Variants in ARFIP1 observed in about 807,000 individuals in gnomAD.
The protein encoded by ARFIP1 is arfaptin-1.
In ARFIP1, 24 loss-of-function variants were observed where a neutral mutation model predicts 42.5. The observed-to-expected ratio is 0.57, with a 90% CI of 0.41 to 0.80. The LOEUF (loss-of-function observed/expected upper bound fraction) is 0.80. ARFIP1 is among the 30% of genes least tolerant of loss of function. The pLI, the probability that ARFIP1 is intolerant of heterozygous loss-of-function variation, is 0.00. For missense variants in ARFIP1, 354 were observed against 434.0 expected (o/e 0.82, Z 1.64); for synonymous variants, 141 against 153.7 (o/e 0.92, Z 0.61).
intron 1 of ARFIP1, among the ~76,000 whole-genome samples, chr4:152,793,610 A>G (rs1241515751): frequency 6.6e-6 from 1 of 152,170 alleles, no homozygotes; most frequent in Admixed American, 6.5e-5. Flanking sequence ...GAGATTAACA[A>G]CAGTAATAAT....
chr4:152,833,991 C>G (rs1731449141), intron 2 of ARFIP1, among the ~76,000 whole-genome samples: 2 of 152,154 alleles, frequency 1.3e-5, no homozygotes, highest in Non-Finnish European at 1.5e-5. Context: ...CCAACATCTG[C>G]TCAGCTTCTG....
intron 1 of ARFIP1, among the ~76,000 whole-genome samples, chr4:152,820,731 C>G (rs1730304017): frequency 6.6e-6 from 1 of 152,222 alleles, no homozygotes; most frequent in Non-Finnish European, 1.5e-5. Flanking sequence ...CCACCAGGCT[C>G]CTCTTCCAAC....
chr4:152,834,704 C>T (rs1031707042), intron 2 of ARFIP1, among the ~76,000 whole-genome samples: 2 of 152,192 alleles, frequency 1.3e-5, no homozygotes, highest in African/African-American at 4.8e-5. Flanking sequence ...GAGTTGAGTG[C>T]CTGTGCCTTT....
intron 5 of ARFIP1, among the ~76,000 whole-genome samples, chr4:152,877,242 C>T (rs975153035): frequency 2.0e-5 from 3 of 152,186 alleles, no homozygotes; most frequent in African/African-American, 7.2e-5. Context: ...GGGAGGAAGG[C>T]TGTACCCTGA....
At chr4:152,871,941 T>C (rs1734918243) in intron 4 of ARFIP1, among the ~76,000 whole-genome samples, 1 of 152,168 alleles carries the variant, frequency 6.6e-6, no homozygotes, top group Admixed American at 6.5e-5. Flanking sequence ...CTTTAATGAC[T>C]ATTTGAATTG....
intron 1 of ARFIP1, among the ~76,000 whole-genome samples, chr4:152,824,996 CATAT>C (rs1190514451): frequency 4.6e-5 from 7 of 151,370 alleles, no homozygotes; most frequent in Admixed American, 4.6e-4. Context: ...CACACACATA[CATAT>C]ACACACACAC....
chr4:152,799,305 C>T (rs1731658366), intron 1 of ARFIP1, among the ~76,000 whole-genome samples: 1 of 151,980 alleles, frequency 6.6e-6, no homozygotes, highest in Non-Finnish European at 1.5e-5. Context: ...TTTAGTTGAA[C>T]AAATTTAACC....
chr4:152,905,460 C>T (rs1170678219), intron 8 of ARFIP1, among the ~76,000 whole-genome samples: 2 of 150,162 alleles, frequency 1.3e-5, no homozygotes, highest in Non-Finnish European at 3.0e-5. Flanking sequence ...TGCTTATTTG[C>T]CATCTGTGTT....
intron 2 of ARFIP1, among the ~76,000 whole-genome samples, chr4:152,839,558 T>C (rs1322022042): frequency 1.3e-5 from 2 of 152,204 alleles, no homozygotes; most frequent in African/African-American, 2.4e-5. Flanking sequence ...TTTTCTAGTT[T>C]ATGTGTGTAA....
At chr4:152,906,488 C>T (rs1444615416) in intron 8 of ARFIP1, among the ~76,000 whole-genome samples, 1 of 152,218 alleles carries the variant, frequency 6.6e-6, no homozygotes, top group Non-Finnish European at 1.5e-5. Context: ...GATCTGTTGT[C>T]AGATTCCATT....
chr4:152,865,886 T>C (rs1048888673), intron 3 of ARFIP1, among the ~76,000 whole-genome samples: 1 of 152,166 alleles, frequency 6.6e-6, no homozygotes, highest in Admixed American at 6.5e-5. Context: ...TATATATTTT[T>C]TAATTGATCA....
At chr4:152,837,522 C>G (rs1455520410) in intron 2 of ARFIP1, among the ~76,000 whole-genome samples, 2 of 152,090 alleles carry the variant, frequency 1.3e-5, no homozygotes, top group Non-Finnish European at 2.9e-5. Context: ...TTTTCCTGAT[C>G]ATTTAGTGAT....
intron 8 of ARFIP1, among the ~76,000 whole-genome samples, chr4:152,907,305 A>C (rs1247413133): frequency 6.6e-6 from 1 of 152,190 alleles, no homozygotes; most frequent in African/African-American, 2.4e-5. Flanking sequence ...AGTCTTCAAC[A>C]AAGTTGATGT....
intron 7 of ARFIP1, among the ~76,000 whole-genome samples, chr4:152,886,718 C>G (rs1248418530): frequency 2.6e-5 from 4 of 151,966 alleles, no homozygotes; most frequent in Non-Finnish European, 4.4e-5. Context: ...TTCTCTTCCT[C>G]TAGAATGCGA....
chr4:152,780,212 G>A lies in ARFIP1; in HGVS notation c.-24G>A, dbSNP rs1028761091. Reference sequence around the variant, plus strand: ...TAAGCCTCGACTTAGAAGCTACCGAGTTACCCTAAGAAAGGTGAGGGCGGA... The same window carrying A: ...TAAGCCTCGACTTAGAAGCTACCGAATTACCCTAAGAAAGGTGAGGGCGGA... On this transcript the variant is annotated 5_prime_UTR_variant, in exon 1 of 9. Transcript: ENST00000353617. 6.6e-6 allele frequency: 1 copy of A among 152,312 alleles called. No individual in the cohort carries two copies. Among genetic ancestry groups the A allele is most frequent in the African/African-American group, 2.4e-5 (1 of 41,456 alleles). 9.4% of individuals were successfully genotyped at this position (152,312 alleles called of 1,614,324 possible). A position where few individuals can be genotyped will look rare whatever the true frequency, so the allele number is the denominator to read the frequency against.
At chr4:152,848,574 C>T (rs960893708) in intron 2 of ARFIP1, among the ~76,000 whole-genome samples, 10 of 152,268 alleles carry the variant, frequency 6.6e-5, no homozygotes, top group South Asian at 4.1e-4. Flanking sequence ...TCATACACTA[C>T]GATCTGCAGA....
rs561395210 is a variant in ARFIP1 at position 152,832,779 on chromosome 4, T to C, written c.93+3053T>C. ...TGTGAAGTAGGGACCAAGATTTTTC[T>C]TCCTCTCATGTAAATATTCAATTGA... is the stretch of plus-strand genomic sequence containing the variant. On this transcript the variant is annotated intron_variant, in intron 2 of 8. Coordinates refer to ENST00000353617, the MANE Select transcript of ARFIP1 (RefSeq NM_001025595.3). Among the ~76,000 whole-genome samples, 161 of 152,350 alleles carry C rather than the reference T, an allele frequency of 1.1e-3. 1 individual carries two copies. Among genetic ancestry groups the C allele is most frequent in the African/African-American group, 3.6e-3 (148 of 41,588 alleles).
intron 8 of ARFIP1, among the ~76,000 whole-genome samples, chr4:152,901,858 C>G (rs1579044735): frequency 6.6e-6 from 1 of 152,158 alleles, no homozygotes; most frequent in African/African-American, 2.4e-5. Context: ...CTGCTCCAAT[C>G]CTGTGTTAGA....
intron 1 of ARFIP1, among the ~76,000 whole-genome samples, chr4:152,797,720 C>A (rs1257665398): frequency 6.6e-6 from 1 of 152,056 alleles, no homozygotes; most frequent in African/African-American, 2.4e-5. Context: ...ATGGGATTTT[C>A]TCTGCCATTA....
Sources: gnomAD v4.1 joint callset for allele counts (sites outside exome capture counted in the v4.1 genomes callset) on GRCh38, gnomAD v4.1.1 for gene constraint, MANE v1.5 for transcripts, NCBI Gene and HGNC (gene_info 2026-07-23, HGNC 2026-07-21) for gene names.